ARSB: variants seen among roughly 807,000 people sequenced by gnomAD.
ARSB encodes N-acetylgalactosamine-4-sulfatase.
A neutral mutation model predicts 50.9 loss-of-function variants in ARSB; 41 were observed. The ratio of observed to expected loss-of-function variants is 0.81; its 90% CI spans 0.63 to 1.04. The LOEUF is 1.04. ARSB is among the 50% of genes least tolerant of loss of function. ARSB has a pLI of 0.00. For synonymous variants in ARSB, 269 were observed against 284.8 expected (o/e 0.94, Z 0.56); for missense variants, 672 against 693.3 (o/e 0.97, Z 0.35).
At chr5:78,845,064 A>T (rs1188470283) in intron 5 of ARSB, among the ~76,000 whole-genome samples, 1 of 152,020 alleles carries the variant, frequency 6.6e-6, no homozygotes, top group Non-Finnish European at 1.5e-5. Context: ...CCTCAGGAAA[A>T]ACACTACTCT....
intron 4 of ARSB, among the ~76,000 whole-genome samples, chr5:78,897,941 T>C (rs778005344): frequency 1.3e-5 from 2 of 152,106 alleles, no homozygotes; most frequent in Non-Finnish European, 2.9e-5. Context: ...ACATGCCCTA[T>C]ACCCATTAAA....
At chr5:78,788,519 C>T (rs1749155287) in intron 6 of ARSB, among the ~76,000 whole-genome samples, 1 of 152,316 alleles carries the variant, frequency 6.6e-6, no homozygotes, top group Admixed American at 6.5e-5. Flanking sequence ...ATCTCCATTT[C>T]AACAGAGTTC....
At chr5:78,983,041 C>A (rs972545268) in intron 1 of ARSB, among the ~76,000 whole-genome samples, 1 of 151,942 alleles carries the variant, frequency 6.6e-6, no homozygotes, top group Non-Finnish European at 1.5e-5. Context: ...CAACTGATTA[C>A]GGGAATGGGT....
intron 4 of ARSB, 28 bp from the exon 5 acceptor site, chr5:78,885,855 G>A (rs775518042): frequency 1.9e-6 from 3 of 1,614,064 alleles, no homozygotes; most frequent in Non-Finnish European, 2.5e-6. Context: ...CTTGGCATGA[G>A]GATGATGTTA....
At chr5:78,792,060 A>C (rs764402701) in intron 6 of ARSB, among the ~76,000 whole-genome samples, 2 of 152,158 alleles carry the variant, frequency 1.3e-5, no homozygotes, top group Non-Finnish European at 2.9e-5. Flanking sequence ...AAGAAAACTC[A>C]TAATGTTTTA....
intron 4 of ARSB, among the ~76,000 whole-genome samples, chr5:78,897,480 T>C (rs954795201): frequency 6.6e-6 from 1 of 152,174 alleles, no homozygotes; most frequent in African/African-American, 2.4e-5. Flanking sequence ...CAGTTTGGGG[T>C]CTGGCCTAAA....
chr5:78,936,965 G>T (rs981521455), intron 4 of ARSB, among the ~76,000 whole-genome samples: 3 of 152,054 alleles, frequency 2.0e-5, no homozygotes, highest in African/African-American at 7.2e-5. Flanking sequence ...ATTTATTTCA[G>T]CTCCTTCTTC....
chr5:78,941,015 G>T (rs866271609), intron 4 of ARSB, among the ~76,000 whole-genome samples: 3,511 of 150,868 alleles, frequency 0.023, 124 homozygotes, highest in African/African-American at 0.079. Context: ...TTGTAAGTTG[G>T]ATTCCTAGGT....
At chr5:78,958,863 T>C (rs966240058) in intron 3 of ARSB, among the ~76,000 whole-genome samples, 9 of 152,220 alleles carry the variant, frequency 5.9e-5, no homozygotes, top group African/African-American at 2.2e-4. Context: ...TGTTACATCT[T>C]CAGTGTGGAA....
chr5:78,893,260 C>T (rs1408228093), intron 4 of ARSB, among the ~76,000 whole-genome samples: 8 of 152,134 alleles, frequency 5.3e-5, no homozygotes, highest in Admixed American at 6.5e-5. Flanking sequence ...GTCCATTAAA[C>T]CTTTTTCTTT....
intron 6 of ARSB, among the ~76,000 whole-genome samples, chr5:78,830,726 G>A (rs1316180162): frequency 6.6e-6 from 1 of 152,202 alleles, no homozygotes; most frequent in Non-Finnish European, 1.5e-5. Flanking sequence ...AGCGGAGGGG[G>A]CAGACTAGAA....
intron 6 of ARSB, among the ~76,000 whole-genome samples, chr5:78,813,698 A>C (rs1478160021): frequency 6.6e-6 from 1 of 152,104 alleles, no homozygotes; most frequent in Non-Finnish European, 1.5e-5. Context: ...TCAAGGCTGC[A>C]GTGAGCCGAG....
chr5:78,983,813 T>C (rs1359548829), intron 1 of ARSB, among the ~76,000 whole-genome samples: 1 of 152,184 alleles, frequency 6.6e-6, no homozygotes, highest in Non-Finnish European at 1.5e-5. Context: ...GAGGCTAGGG[T>C]TGATCTGACA....
At chr5:78,873,459 A>C (rs1747322057) in intron 5 of ARSB, among the ~76,000 whole-genome samples, 1 of 151,640 alleles carries the variant, frequency 6.6e-6, no homozygotes, top group South Asian at 2.1e-4. Flanking sequence ...TTCCTGAAGA[A>C]GAAAAACAAA....
At chr5:78,856,900 G>C (rs1475551721) in intron 5 of ARSB, among the ~76,000 whole-genome samples, 1 of 152,114 alleles carries the variant, frequency 6.6e-6, no homozygotes, top group Non-Finnish European at 1.5e-5. Flanking sequence ...CATTGTCTTT[G>C]GGAGCAAAGC....
Position 78,885,775 on chromosome 5 carries a change from T to C in ARSB, c.951A>G (p.Arg317=), listed in dbSNP as rs1318270777. The C allele has an allele frequency of 6.2e-6, 10 of 1,614,086 alleles. No homozygotes were observed. Among genetic ancestry groups the C allele is most frequent in the South Asian group, 1.1e-5 (1 of 91,084 alleles). The change falls in exon 5 of 8, where the codon AGA becomes AGG. Residue 317 remains arginine (R), a synonymous_variant. Transcript: ENST00000264914. The part of the protein sequence containing the change: ...AGGNNWPLRG[R]KWSLWEGGVR... ...CGCCTCCTTCCCACAGGCTCCATTT[T>C]CTTCCTCGAAGGGGCCAGTTATTAC... is the stretch of plus-strand genomic sequence containing the variant.
At chr5:78,950,086 C>G (rs1212223730) in intron 4 of ARSB, among the ~76,000 whole-genome samples, 2 of 152,132 alleles carry the variant, frequency 1.3e-5, no homozygotes, top group Non-Finnish European at 2.9e-5. Flanking sequence ...AGGTCAGATT[C>G]CTGTGCAGGT....
intron 5 of ARSB, among the ~76,000 whole-genome samples, chr5:78,881,944 T>C (rs1439291127): frequency 6.6e-6 from 1 of 152,250 alleles, no homozygotes; most frequent in Non-Finnish European, 1.5e-5. Flanking sequence ...TTTTTATGTA[T>C]AGGTTTAACA....
intron 7 of ARSB, among the ~76,000 whole-genome samples, chr5:78,781,292 G>GTTAA (rs146113096): frequency 0.018 from 2,249 of 126,046 alleles, 64 homozygotes; most frequent in African/African-American, 0.063. Flanking sequence ...CCCTGCTACA[G>GTTAA]TTAATTCTCT....
Sources: allele counts gnomAD v4.1 joint callset (sites outside exome capture counted in the v4.1 genomes callset), GRCh38; gene constraint gnomAD v4.1.1; transcripts MANE v1.5; gene names NCBI Gene and HGNC (gene_info 2026-07-23, HGNC 2026-07-21).